Variants in GRID2 observed in about 807,000 individuals in gnomAD.
GRID2 encodes the protein glutamate ionotropic receptor delta type subunit 2.
In GRID2, 33 loss-of-function variants were observed where a neutral mutation model predicts 114.8. The observed-to-expected ratio is 0.29, with a 90% CI of 0.22 to 0.38. GRID2 has a LOEUF of 0.38. Ranked by LOEUF, GRID2 falls within the 10% of genes least tolerant of loss-of-function variation. The probability of loss-of-function intolerance (pLI) is 1.00; values close to 1 mark genes in which losing one functional copy is unlikely to be tolerated. For synonymous variants in GRID2, 505 were observed against 449.9 expected (o/e 1.12, Z -1.55); for missense variants, 1,184 against 1,257.7 (o/e 0.94, Z 0.89).
At chr4:92,936,505 A>G (rs978785106) in intron 2 of GRID2, among the ~76,000 whole-genome samples, 5 of 146,246 alleles carry the variant, frequency 3.4e-5, no homozygotes, top group African/African-American at 1.2e-4. Flanking sequence ...CCATTGTGAA[A>G]ATTTTTTCAT....
At chr4:93,370,762 C>A (rs1406330521) in intron 8 of GRID2, among the ~76,000 whole-genome samples, 1 of 151,990 alleles carries the variant, frequency 6.6e-6, no homozygotes, top group Non-Finnish European at 1.5e-5. Context: ...GCATCATATG[C>A]GATCGTGTTT....
At chr4:93,695,868 A>G (rs989852525) in intron 14 of GRID2, among the ~76,000 whole-genome samples, 2 of 152,198 alleles carry the variant, frequency 1.3e-5, no homozygotes, top group African/African-American at 4.8e-5. Flanking sequence ...CTATGTGACC[A>G]CTTAATGAGA....
intron 2 of GRID2, among the ~76,000 whole-genome samples, chr4:92,653,687 G>A (rs1732090766): frequency 6.6e-6 from 1 of 152,030 alleles, no homozygotes; most frequent in African/African-American, 2.4e-5. Context: ...ATGTTCCACA[G>A]CTATAAAACA....
At chr4:92,387,640 G>A (rs1186530120) in intron 1 of GRID2, among the ~76,000 whole-genome samples, 1 of 151,940 alleles carries the variant, frequency 6.6e-6, no homozygotes, top group Non-Finnish European at 1.5e-5. Flanking sequence ...AAGGGAGGAA[G>A]GAAGTGTAAG....
chr4:92,833,471 A>T (rs1355707502), intron 2 of GRID2, among the ~76,000 whole-genome samples: 1 of 152,212 alleles, frequency 6.6e-6, no homozygotes, highest in African/African-American at 2.4e-5. Flanking sequence ...GTTGCCCTAT[A>T]GCTCAGGAAT....
intron 4 of GRID2, among the ~76,000 whole-genome samples, chr4:93,145,953 C>T (rs960428522): frequency 1.3e-5 from 2 of 151,590 alleles, no homozygotes; most frequent in Non-Finnish European, 2.9e-5. Context: ...TAGTTTTTGC[C>T]CCTCCTCTTT....
intron 1 of GRID2, among the ~76,000 whole-genome samples, chr4:92,479,088 A>G (rs1023437064): frequency 2.0e-5 from 3 of 152,094 alleles, no homozygotes; most frequent in Non-Finnish European, 2.9e-5. Flanking sequence ...AGCTAATACA[A>G]TTTAGATATT....
At chr4:92,739,370 G>T (rs1227462946) in intron 2 of GRID2, among the ~76,000 whole-genome samples, 1 of 152,050 alleles carries the variant, frequency 6.6e-6, no homozygotes, top group African/African-American at 2.4e-5. Flanking sequence ...TACACAATGT[G>T]AGTTTTATAT....
chr4:93,765,060 T>C (rs1458106286), intron 14 of GRID2, among the ~76,000 whole-genome samples: 1 of 152,178 alleles, frequency 6.6e-6, no homozygotes, highest in Admixed American at 6.5e-5. Context: ...GAAGGGAACA[T>C]ATCTCTTTGC....
intron 10 of GRID2, among the ~76,000 whole-genome samples, chr4:93,446,608 G>A (rs1722117246): frequency 6.6e-6 from 1 of 152,028 alleles, no homozygotes; most frequent in African/African-American, 2.4e-5. Flanking sequence ...GTGAATTGAA[G>A]ATCTCATGAA....
chr4:93,480,315 T>C (rs1329707052), intron 11 of GRID2, among the ~76,000 whole-genome samples: 1 of 152,002 alleles, frequency 6.6e-6, no homozygotes, highest in Non-Finnish European at 1.5e-5. Flanking sequence ...TGACCCCTTC[T>C]TCAGTATTGG....
intron 1 of GRID2, among the ~76,000 whole-genome samples, chr4:92,581,104 A>G (rs7686533): frequency 0.38 from 57,963 of 151,472 alleles, 11,093 homozygotes; most frequent in Middle Eastern, 0.46. Flanking sequence ...GGATTCAGTA[A>G]GAAGAGATGT....
intron 13 of GRID2, among the ~76,000 whole-genome samples, chr4:93,526,533 G>A (rs1318078215): frequency 6.6e-6 from 1 of 152,176 alleles, no homozygotes; most frequent in East Asian, 1.9e-4. Flanking sequence ...AAACAGGCCG[G>A]GCGCTGTGGC....
chr4:92,778,278 G>T (rs924934991), intron 2 of GRID2, among the ~76,000 whole-genome samples: 1 of 151,690 alleles, frequency 6.6e-6, no homozygotes, highest in Admixed American at 6.6e-5. Context: ...AATGAATTTT[G>T]AATGATGTTT....
intron 2 of GRID2, among the ~76,000 whole-genome samples, chr4:92,633,478 A>G (rs1443957148): frequency 6.6e-6 from 1 of 152,092 alleles, no homozygotes; most frequent in African/African-American, 2.4e-5. Context: ...ATAGCAACAA[A>G]TTTTTCATTC....
In GRID2 at chr4:92,957,080, ATTTTCTC is replaced by A. The variant is rs1423347182; in HGVS notation, c.245-127913_245-127907del. On this transcript the variant is annotated intron_variant, in intron 2 of 15. Coordinates refer to ENST00000282020, the MANE Select transcript of GRID2 (RefSeq NM_001510.4). ...TCTATCAGATATGTCTTTTGCACGT[ATTTTCTC>A]TCAGTCTGTTGCTTGTTTTATCATT... Among the ~76,000 whole-genome samples, 27 of 151,862 alleles carry A rather than the reference ATTTTCTC, an allele frequency of 1.8e-4. 1 individual carries two copies. The highest frequency in any genetic ancestry group is 1.5e-5 in the Non-Finnish European group (1 of 67,952).
rs567747866 is a variant in GRID2 at position 92,663,650 on chromosome 4, A to G, written c.244+73364A>G. Among the ~76,000 whole-genome samples, 15 of 151,274 alleles carry G rather than the reference A, an allele frequency of 9.9e-5. No homozygotes were observed. The South Asian group carries it at 2.9e-3, about 29-fold the overall frequency. The stretch of plus-strand genomic sequence containing the variant: ...TCTTATTTTGGTAAGTACAAATGGT[A>G]TAAAATTTGCCATCTTATCTATTTT... On this transcript the variant is annotated intron_variant, in intron 2 of 15. Coordinates refer to ENST00000282020, the MANE Select transcript of GRID2 (RefSeq NM_001510.4).
intron 13 of GRID2, among the ~76,000 whole-genome samples, chr4:93,624,483 A>G (rs1156645296): frequency 1.3e-5 from 2 of 152,148 alleles, no homozygotes; most frequent in African/African-American, 4.8e-5. Flanking sequence ...GTATCTCATT[A>G]CGGATTTTTT....
chr4:93,017,719 C>G (rs1722886854), intron 2 of GRID2, among the ~76,000 whole-genome samples: 1 of 150,386 alleles, frequency 6.6e-6, no homozygotes, highest in Non-Finnish European at 1.5e-5. Flanking sequence ...GGCTTGAACC[C>G]AGAAGGTGGA....
Sources: gnomAD v4.1 joint callset for allele counts (sites outside exome capture counted in the v4.1 genomes callset) on GRCh38, gnomAD v4.1.1 for gene constraint, MANE v1.5 for transcripts, NCBI Gene and HGNC (gene_info 2026-07-23, HGNC 2026-07-21) for gene names.